CFAP54: variants seen among roughly 807,000 people sequenced by gnomAD.
CFAP54 encodes the protein cilia and flagella associated protein 54.
CFAP54 carries 290 observed loss-of-function variants against 370.4 expected under a neutral mutation model. The ratio of observed to expected loss-of-function variants is 0.78; its 90% CI spans 0.71 to 0.86. The LOEUF (loss-of-function observed/expected upper bound fraction) is 0.86, where lower values mean the gene tolerates loss of function less well. Among genes scored for constraint, CFAP54 ranks in the 40% least tolerant of loss-of-function variants. CFAP54 has a pLI of 0.00. For missense variants in CFAP54, 3,399 were observed against 3,528.7 expected, an observed-to-expected ratio of 0.96 and a Z score of 0.93; for synonymous variants, 1,206 against 1,236.5, an observed-to-expected ratio of 0.98 and a Z score of 0.52.
At chr12:96,860,592 A>G (rs182076859) in intron 66 of CFAP54, among the ~76,000 whole-genome samples, 13 of 152,364 alleles carry the variant, frequency 8.5e-5, no homozygotes, top group Admixed American at 7.8e-4. Flanking sequence ...GATTACCTAA[A>G]TACAAATAGT....
In CFAP54 at chr12:96,544,410, ATCTCTC is replaced by A. The variant is rs71068815; in HGVS notation, c.2077+3451_2077+3456del. ...CGAAGCAGTCCTCAGAAAACAGAAT[ATCTCTC>A]TCTCTCTCTCTCTCTCTCTCTCTCT... On this transcript the variant is annotated intron_variant, in intron 14 of 67. Transcript: ENST00000524981. 6.1e-3 allele frequency among the ~76,000 whole-genome samples: 903 copies of A among 148,060 alleles called. 8 individuals carry two copies. Among genetic ancestry groups the A allele is most frequent in the South Asian group, 0.017 (80 of 4,642 alleles).
At position 96,576,590 on chromosome 12, in the gene CFAP54, A is replaced by G; in HGVS notation, c.2625A>G (p.Ala875=). 1 of 1,522,468 alleles carries G rather than the reference A, an allele frequency of 6.6e-7. No individual in the cohort carries two copies. The highest frequency in any genetic ancestry group is 1.2e-5 in the South Asian group (1 of 82,722). The allele number at this position is 1,522,468 out of a possible 1,614,324, so 94.3% of individuals were successfully genotyped here. The stretch of plus-strand genomic sequence containing the variant: ...ATTTTCATATTTCATTATAGGAAGC[A>G]TATTCCTTAATTCAGAGGATTGAAG... The part of the protein sequence containing the change: ...STSSWELLME[A]YSLIQRIEAE... Residue 875 remains alanine, a synonymous_variant, in exon 20 of 68, where the codon GCA becomes GCG. Coordinates refer to ENST00000524981, the MANE Select transcript of CFAP54 (RefSeq NM_001306084.2).
chr12:96,581,140 T>G (rs2136425677), intron 22 of CFAP54, 35 bp downstream of exon 22: 3 of 1,325,882 alleles, frequency 2.3e-6, no homozygotes, highest in South Asian at 3.6e-5. Context: ...TTCCACTGTG[T>G]TTTTTTTTCC....
chr12:96,638,298 A>G (rs1417919293), intron 32 of CFAP54, among the ~76,000 whole-genome samples: 1 of 150,140 alleles, frequency 6.7e-6, no homozygotes, highest in Non-Finnish European at 1.5e-5. Context: ...CAGTGGTACC[A>G]TCATAGCTCA....
In CFAP54 at chr12:96,874,612, C is replaced by CTTTTTTTTTTTTTTTTTT. The variant is rs879517925; in HGVS notation, c.*15-498_*15-497insTTTTTTTTTTTTTTTTTT. 1.5e-4 allele frequency among the ~76,000 whole-genome samples: 6 copies of CTTTTTTTTTTTTTTTTTT among 40,058 alleles called. 3 individuals carry two copies. Among genetic ancestry groups the CTTTTTTTTTTTTTTTTTT allele is most frequent in the African/African-American group, 1.9e-4 (2 of 10,382 alleles). 26.3% of individuals were successfully genotyped at this position (40,058 alleles called of 152,430 possible). A position where few individuals can be genotyped will look rare whatever the true frequency, so the allele number is the denominator to read the frequency against. ...GTTCTGTTCTGTTTTGGGATCTCTG[C>CTTTTTTTTTTTTTTTTTT]TTTTTTTTATTTTTATTTTATTTTT... is the stretch of plus-strand genomic sequence containing the variant. On this transcript the variant is annotated intron_variant, in intron 67 of 67. Transcript: ENST00000524981.
intron 62 of CFAP54, 71 bp downstream of exon 62, chr12:96,786,969 C>T: frequency 8.9e-7 from 1 of 1,117,326 alleles, no homozygotes; most frequent in South Asian, 1.6e-5. Flanking sequence ...CAGAAGGAAA[C>T]ACATTAGCTT....
chr12:96,786,805 T>C lies in CFAP54; in HGVS notation c.8586T>C (p.Ser2862=), dbSNP rs1169502806. The C allele has an allele frequency of 1.3e-6, 2 of 1,535,692 alleles. No individual in the cohort carries two copies. Among genetic ancestry groups the C allele is most frequent in the Non-Finnish European group, 1.7e-6 (2 of 1,146,650 alleles). ...FFLKKFLQLY[S]SSCIDEFPKE... Reference sequence around the variant, plus strand: ...TTAAAAAATTCTTACAGCTGTATTCTTCTTCTTGTATTGATGAATTTCCAA... The same window carrying C: ...TTAAAAAATTCTTACAGCTGTATTCCTCTTCTTGTATTGATGAATTTCCAA... The change falls in exon 62 of 68, where the codon TCT becomes TCC. Residue 2862 remains serine (S), a synonymous_variant. Coordinates refer to ENST00000524981, the MANE Select transcript of CFAP54 (RefSeq NM_001306084.2).
chr12:96,866,444 A>G lies in CFAP54; in HGVS notation c.*14+5492A>G, dbSNP rs554070490. Among the ~76,000 whole-genome samples the G allele has an allele frequency of 5.9e-5, 9 of 152,268 alleles. No homozygotes were observed. The South Asian group carries it at 1.2e-3, about 21-fold the overall frequency. Reference sequence around the variant, plus strand: ...TTTCAACTATTCAAAATTAATTGCAAATGAATTGCTTTTGTTCCTGTTTGA... The same window carrying G: ...TTTCAACTATTCAAAATTAATTGCAGATGAATTGCTTTTGTTCCTGTTTGA... On this transcript the variant is annotated intron_variant, in intron 67 of 67. Coordinates refer to ENST00000524981, the MANE Select transcript of CFAP54 (RefSeq NM_001306084.2).
chr12:96,540,008 G>A, intron 13 of CFAP54: 1 of 152,220 alleles, frequency 6.6e-6, no homozygotes, highest in East Asian at 1.9e-4. Flanking sequence ...AATAATGTGA[G>A]TACATAAATA....
At chr12:96,729,769 G>A (rs997996160) in intron 50 of CFAP54, among the ~76,000 whole-genome samples, 10 of 152,150 alleles carry the variant, frequency 6.6e-5, no homozygotes, top group African/African-American at 1.2e-4. Context: ...GAAATCACCC[G>A]TCTTCTGCGT....
At chr12:96,640,448 A>G (rs1207185647) in intron 32 of CFAP54, among the ~76,000 whole-genome samples, 1 of 152,248 alleles carries the variant, frequency 6.6e-6, no homozygotes, top group African/African-American at 2.4e-5. Context: ...GTGGGAGAAC[A>G]TTCCATGCTT....
At chr12:96,548,080 G>C in intron 15 of CFAP54, 102 bp downstream of exon 15, 1 of 513,964 alleles carries the variant, frequency 1.9e-6, no homozygotes, top group East Asian at 3.4e-5. Context: ...AAATAATTTT[G>C]AATATTTAAA....
In CFAP54 at chr12:96,657,434, A is replaced by T. The variant is rs902339953; in HGVS notation, c.5101-448A>T. Among the ~76,000 whole-genome samples, 3 of 152,334 alleles carry T rather than the reference A, an allele frequency of 2.0e-5. No homozygotes were observed. In the East Asian group the frequency reaches 5.8e-4, roughly 29 times the overall value. On this transcript the variant is annotated intron_variant, in intron 36 of 67. Transcript: ENST00000524981. ...TATACTAAAGTCCAGTTTCTTCCTA[A>T]AAATCTTACCATAATTTATTTCATA...
At chr12:96,653,898 A>G (rs947266056) in intron 36 of CFAP54, among the ~76,000 whole-genome samples, 3 of 152,158 alleles carry the variant, frequency 2.0e-5, no homozygotes, top group Admixed American at 6.5e-5. Context: ...AAAAGCACAA[A>G]TTACTCATAT....
chr12:96,578,276 C>A lies in CFAP54; in HGVS notation c.2796+1515C>A, dbSNP rs542498326. On this transcript the variant is annotated intron_variant, in intron 20 of 67. Coordinates refer to ENST00000524981, the MANE Select transcript of CFAP54 (RefSeq NM_001306084.2). Reference sequence around the variant, plus strand: ...GGACATCAGTGAGAACTGATGACAACCTTCATAGTGCTTTATAATTGTGAG... The same window carrying A: ...GGACATCAGTGAGAACTGATGACAAACTTCATAGTGCTTTATAATTGTGAG... Among the ~76,000 whole-genome samples the A allele has an allele frequency of 1.6e-3, 243 of 152,188 alleles. 1 individual carries two copies. The highest frequency in any genetic ancestry group is 5.5e-3 in the African/African-American group (230 of 41,524).
chr12:96,830,496 A>G (rs2136760080), intron 66 of CFAP54, among the ~76,000 whole-genome samples: 1 of 152,270 alleles, frequency 6.6e-6, no homozygotes, highest in Admixed American at 6.5e-5. Flanking sequence ...CTTATTGACC[A>G]TTTGCGTATC....
chr12:96,569,370 A>G (rs1955891702), intron 19 of CFAP54, among the ~76,000 whole-genome samples: 1 of 152,230 alleles, frequency 6.6e-6, no homozygotes, highest in African/African-American at 2.4e-5. Flanking sequence ...AGGGATACAA[A>G]GACTAAAAGA....
chr12:96,724,049 T>G (rs1957796773), intron 50 of CFAP54, among the ~76,000 whole-genome samples: 1 of 152,044 alleles, frequency 6.6e-6, no homozygotes, highest in Admixed American at 6.6e-5. Flanking sequence ...GGTGTATATG[T>G]GCCAGTTTCT....
chr12:96,511,392 C>T (rs986004024), intron 4 of CFAP54, among the ~76,000 whole-genome samples: 1 of 152,196 alleles, frequency 6.6e-6, no homozygotes, highest in Non-Finnish European at 1.5e-5. Context: ...AATCTTGGCT[C>T]ACTGCAATCT....
Sources: allele counts gnomAD v4.1 joint callset (sites outside exome capture counted in the v4.1 genomes callset), GRCh38; gene constraint gnomAD v4.1.1; transcripts MANE v1.5; gene names NCBI Gene and HGNC (gene_info 2026-07-23, HGNC 2026-07-21).